Variants in NRXN1 observed in about 807,000 individuals in gnomAD.
The protein encoded by NRXN1 is neurexin 1, also known as neurexin-1.
In NRXN1, 39 loss-of-function variants were observed where a neutral mutation model predicts 150.9. The observed-to-expected ratio is 0.26, with a 90% CI of 0.20 to 0.34. The LOEUF is 0.34. Ranked by LOEUF, NRXN1 falls within the 10% of genes least tolerant of loss-of-function variation. NRXN1 has a pLI of 1.00. For synonymous variants in NRXN1, 924 were observed against 757.0 expected (o/e 1.22, Z -3.62); for missense variants, 1,815 against 1,949.9 (o/e 0.93, Z 1.30).
rs200609764 is a variant in NRXN1, at chr2:49,921,145, T to C, written c.*799A>G. 2 of 152,628 alleles carry C rather than the reference T, an allele frequency of 1.3e-5. No homozygotes were observed. Among genetic ancestry groups the C allele is most frequent in the African/African-American group, 2.4e-5 (1 of 41,444 alleles). The allele number at this position is 152,628 out of a possible 1,614,324, so 9.5% of individuals were successfully genotyped here. ...TTTGCATTTTCTATACAACAGGCTA[T>C]AAAACGTCACTTATCACAGTCCAGA... is the stretch of plus-strand genomic sequence containing the variant. On this transcript the variant is annotated 3_prime_UTR_variant, in exon 23 of 23. Coordinates refer to ENST00000401669, the MANE Select transcript of NRXN1 (RefSeq NM_001330078.2).
intron 17 of NRXN1, among the ~76,000 whole-genome samples, chr2:50,404,062 C>T (rs989461271): frequency 3.3e-5 from 5 of 152,016 alleles, no homozygotes; most frequent in African/African-American, 1.2e-4. Context: ...AAAATTCATT[C>T]TTTTTCACTT....
rs3081361 is a variant in NRXN1 at position 50,355,291 on chromosome 2, C to CATAT, written c.3364+110147_3364+110150dup. Among the ~76,000 whole-genome samples the CATAT allele has an allele frequency of 1.2e-3, 171 of 146,918 alleles. 1 individual carries two copies. Among genetic ancestry groups the CATAT allele is most frequent in the African/African-American group, 3.3e-3 (132 of 40,248 alleles). On this transcript the variant is annotated intron_variant, in intron 17 of 22. Coordinates refer to ENST00000401669, the MANE Select transcript of NRXN1 (RefSeq NM_001330078.2). ...CACATATATACAATATTTATATATA[C>CATAT]ATATATATATATTTGTTAGGTTACA...
At chr2:50,367,295 T>G (rs1298298560) in intron 17 of NRXN1, among the ~76,000 whole-genome samples, 2 of 151,986 alleles carry the variant, frequency 1.3e-5, no homozygotes, top group Non-Finnish European at 2.9e-5. Context: ...AGATATCCAT[T>G]TCCTGTAGAA....
intron 5 of NRXN1, among the ~76,000 whole-genome samples, chr2:50,812,280 T>A (rs1413933611): frequency 6.6e-6 from 1 of 152,224 alleles, no homozygotes; most frequent in Non-Finnish European, 1.5e-5. Flanking sequence ...CTTGCCAAGA[T>A]AATTGGGAAT....
intron 5 of NRXN1, among the ~76,000 whole-genome samples, chr2:50,741,530 A>C (rs1156840005): frequency 6.6e-6 from 1 of 152,186 alleles, no homozygotes; most frequent in Non-Finnish European, 1.5e-5. Flanking sequence ...TTCTATTATA[A>C]TGAATACAAT....
chr2:50,272,911 A>G (rs941194740), intron 17 of NRXN1, among the ~76,000 whole-genome samples: 1 of 152,122 alleles, frequency 6.6e-6, no homozygotes, highest in Non-Finnish European at 1.5e-5. Flanking sequence ...TTTGTAATAC[A>G]TAAAGAATTT....
At chr2:50,313,631 C>T (rs1274929004) in intron 17 of NRXN1, among the ~76,000 whole-genome samples, 1 of 152,094 alleles carries the variant, frequency 6.6e-6, no homozygotes, top group Non-Finnish European at 1.5e-5. Context: ...CTGACAAGAA[C>T]ACCATACCGC....
intron 18 of NRXN1, among the ~76,000 whole-genome samples, chr2:50,152,252 A>G (rs758130175): frequency 5.9e-5 from 9 of 151,636 alleles, no homozygotes; most frequent in Admixed American, 2.0e-4. Flanking sequence ...TGTTTCTATA[A>G]TTTTCACTAC....
chr2:50,270,632 A>T (rs1222009587), intron 17 of NRXN1, among the ~76,000 whole-genome samples: 1 of 151,984 alleles, frequency 6.6e-6, no homozygotes, highest in Non-Finnish European at 1.5e-5. Flanking sequence ...TATAACGTAC[A>T]AGCAAATTAT....
intron 12 of NRXN1, among the ~76,000 whole-genome samples, chr2:50,510,301 C>A (rs953389425): frequency 2.0e-5 from 3 of 151,732 alleles, no homozygotes; most frequent in Non-Finnish European, 2.9e-5. Flanking sequence ...GCCTGGCCAA[C>A]AGGGTGAAAC....
At chr2:50,679,479 T>G (rs1690044355) in intron 5 of NRXN1, among the ~76,000 whole-genome samples, 2 of 152,118 alleles carry the variant, frequency 1.3e-5, no homozygotes, top group Non-Finnish European at 2.9e-5. Flanking sequence ...TTTAGTGTGG[T>G]TTCATTGCTT....
chr2:50,505,417 T>C (rs1273148284), intron 13 of NRXN1, among the ~76,000 whole-genome samples: 1 of 152,204 alleles, frequency 6.6e-6, no homozygotes, highest in Non-Finnish European at 1.5e-5. Context: ...CTGTTGTAGT[T>C]CTGGCATGAT....
intron 21 of NRXN1, among the ~76,000 whole-genome samples, chr2:49,959,237 G>A (rs1034873568): frequency 6.6e-6 from 1 of 152,094 alleles, no homozygotes; most frequent in African/African-American, 2.4e-5. Context: ...CCACTGAGTT[G>A]GCTGGGAGGG....
chr2:50,204,178 C>G (rs571967058), intron 18 of NRXN1, among the ~76,000 whole-genome samples: 2 of 151,896 alleles, frequency 1.3e-5, no homozygotes, highest in African/African-American at 4.8e-5. Flanking sequence ...AAAAGCAGCA[C>G]TCAAATTGTA....
chr2:50,043,381 C>T (rs1691310916), intron 21 of NRXN1, among the ~76,000 whole-genome samples: 2 of 152,032 alleles, frequency 1.3e-5, no homozygotes, highest in South Asian at 4.2e-4. Context: ...CCATGTAGAC[C>T]CTGTCAAGAA....
chr2:50,626,115 T>C (rs1453993846), intron 5 of NRXN1, among the ~76,000 whole-genome samples: 1 of 151,926 alleles, frequency 6.6e-6, no homozygotes, highest in Non-Finnish European at 1.5e-5. Context: ...ATTGCACAAA[T>C]TGAAACACTA....
intron 17 of NRXN1, among the ~76,000 whole-genome samples, chr2:50,437,649 G>A (rs2104423275): frequency 6.6e-6 from 1 of 152,216 alleles, no homozygotes; most frequent in South Asian, 2.1e-4. Flanking sequence ...CTCTGATCTT[G>A]AAATTATGCT....
At chr2:50,527,958 G>A (rs2105182255) in intron 12 of NRXN1, among the ~76,000 whole-genome samples, 1 of 152,252 alleles carries the variant, frequency 6.6e-6, no homozygotes, top group Admixed American at 6.5e-5. Context: ...TTAAGATAAT[G>A]CCACAACTCA....
At chr2:50,273,645 C>T (rs1168711775) in intron 17 of NRXN1, among the ~76,000 whole-genome samples, 3 of 152,014 alleles carry the variant, frequency 2.0e-5, no homozygotes, top group Non-Finnish European at 4.4e-5. Flanking sequence ...GGGCCTGATA[C>T]ATCTTAAGAA....
Sources: allele counts gnomAD v4.1 joint callset (sites outside exome capture counted in the v4.1 genomes callset), GRCh38; gene constraint gnomAD v4.1.1; transcripts MANE v1.5; gene names NCBI Gene and HGNC (gene_info 2026-07-23, HGNC 2026-07-21).